HIPK2: variants seen among roughly 807,000 people sequenced by gnomAD.
HIPK2 encodes homeodomain interacting protein kinase 2.
In HIPK2, 27 loss-of-function variants were observed where a neutral mutation model predicts 113.7. The ratio of observed to expected loss-of-function variants is 0.24; its 90% CI spans 0.17 to 0.33. The LOEUF (loss-of-function observed/expected upper bound fraction) is 0.33, where lower values mean the gene tolerates loss of function less well. HIPK2 is among the 10% of genes least tolerant of loss of function. HIPK2 has a pLI of 1.00. For missense variants in HIPK2, 1,257 were observed against 1,588.0 expected (o/e 0.79, Z 3.54); for synonymous variants, 631 against 642.2 (o/e 0.98, Z 0.26).
chr7:139,618,594 G>C (rs1800135191), intron 7 of HIPK2, among the ~76,000 whole-genome samples: 1 of 152,186 alleles, frequency 6.6e-6, no homozygotes, highest in African/African-American at 2.4e-5. Flanking sequence ...TAGTTTTGCA[G>C]AGTCTTTGCG....
intron 2 of HIPK2, among the ~76,000 whole-genome samples, chr7:139,652,996 G>A (rs770295930): frequency 4.6e-5 from 7 of 151,922 alleles, no homozygotes; most frequent in Non-Finnish European, 8.8e-5. Context: ...AAAATTAGAT[G>A]GGTGTGGTGG....
intron 9 of HIPK2, among the ~76,000 whole-genome samples, chr7:139,604,930 A>C (rs771080263): frequency 1.3e-5 from 2 of 152,284 alleles, no homozygotes; most frequent in African/African-American, 2.4e-5. Flanking sequence ...GGCCCTCAAG[A>C]AGCTTTCTGC....
chr7:139,596,714 C>T lies in HIPK2; in HGVS notation c.2717+3G>A, dbSNP rs771137499. The T allele has an allele frequency of 3.1e-6, 5 of 1,608,436 alleles. No homozygotes were observed. The highest frequency in any genetic ancestry group is 1.3e-5 in the African/African-American group (1 of 74,856). On this transcript the variant is annotated splice_donor_region_variant and intron_variant, in intron 12 of 14. Coordinates refer to ENST00000406875, the MANE Select transcript of HIPK2 (RefSeq NM_022740.5). ...CTGGAAGGCTAAGGTGGCACTGCCT[C>T]ACCTGGTGGGGGCGTGTTTCTGTTC...
In HIPK2 at chr7:139,563,599, A is replaced by C. The variant is rs186517885; in HGVS notation, c.*9328T>G. 3.2e-4 allele frequency: 125 copies of C among 385,832 alleles called. No individual in the cohort carries two copies. Among genetic ancestry groups the C allele is most frequent in the Non-Finnish European group, 3.6e-4 (78 of 218,868 alleles). 23.9% of individuals were successfully genotyped at this position (385,832 alleles called of 1,614,324 possible). On this transcript the variant is annotated 3_prime_UTR_variant, in exon 15 of 15. Coordinates refer to ENST00000406875, the MANE Select transcript of HIPK2 (RefSeq NM_022740.5). ...AAAAATATAAGCCCCAAAAACAATG[A>C]CACAAAATTCATTTGGTTAATTCAT...
At chr7:139,628,569 G>A (rs1459287239) in intron 5 of HIPK2, among the ~76,000 whole-genome samples, 1 of 152,134 alleles carries the variant, frequency 6.6e-6, no homozygotes, top group Non-Finnish European at 1.5e-5. Context: ...GAGTAGCTGA[G>A]ATTACAGGTG....
intron 1 of HIPK2, among the ~76,000 whole-genome samples, chr7:139,754,746 T>C (rs1056946392): frequency 4.6e-5 from 7 of 152,284 alleles, no homozygotes; most frequent in African/African-American, 1.7e-4. Flanking sequence ...ACTTCCTCTG[T>C]CACACAGCAG....
intron 12 of HIPK2, among the ~76,000 whole-genome samples, chr7:139,591,684 G>A (rs1799030257): frequency 6.6e-6 from 1 of 152,210 alleles, no homozygotes; most frequent in African/African-American, 2.4e-5. Flanking sequence ...AAGTCAGCTG[G>A]ACAAAAGATC....
At position 139,572,753 on chromosome 7, in the gene HIPK2, C is replaced by T. The variant is rs1446907723; in HGVS notation, c.*174G>A. ...GTTTCACTGGTGTCCCGACCCGTCC[C>T]CCTGCCCTCTGCCCCCCCCCCCCCC... On this transcript the variant is annotated 3_prime_UTR_variant, in exon 15 of 15. Transcript: ENST00000406875. 11 of 516,876 alleles carry T rather than the reference C, an allele frequency of 2.1e-5. 1 individual carries two copies. In the South Asian group the frequency reaches 3.0e-4, roughly 14 times the overall value. 32.0% of individuals were successfully genotyped at this position (516,876 alleles called of 1,614,324 possible). A position where few individuals can be genotyped will look rare whatever the true frequency, so the allele number is the denominator to read the frequency against.
At position 139,572,894 on chromosome 7, in the gene HIPK2, T is replaced by TGCCAG; in HGVS notation, c.*32_*33insCTGGC. On this transcript the variant is annotated 3_prime_UTR_variant, in exon 15 of 15. Coordinates refer to ENST00000406875, the MANE Select transcript of HIPK2 (RefSeq NM_022740.5). ...CTCCCTCCTCCCTCGGGCCATTCTC[T>TGCCAG]CCCTCCCTCCCTCCCTCCCTCCCCT... The TGCCAG allele has an allele frequency of 1.1e-5, 6 of 554,272 alleles. No individual in the cohort carries two copies. Among genetic ancestry groups the TGCCAG allele is most frequent in the Non-Finnish European group, 2.0e-5 (6 of 302,504 alleles). The allele number at this position is 554,272 out of a possible 1,614,324, so 34.3% of individuals were successfully genotyped here.
At chr7:139,657,444 T>C (rs1049362676) in intron 2 of HIPK2, among the ~76,000 whole-genome samples, 1 of 152,234 alleles carries the variant, frequency 6.6e-6, no homozygotes, top group Non-Finnish European at 1.5e-5. Flanking sequence ...AGGCCTTATC[T>C]ACGCTGAGCT....
At chr7:139,628,896 G>T in intron 5 of HIPK2, 57 bp downstream of exon 5, 1 of 1,432,330 alleles carries the variant, frequency 7.0e-7, no homozygotes, top group Non-Finnish European at 9.6e-7. Context: ...TATTGCAGAA[G>T]TCTTGCTGCC....
chr7:139,632,165 G>A (rs558854435), intron 2 of HIPK2, among the ~76,000 whole-genome samples: 12 of 152,326 alleles, frequency 7.9e-5, no homozygotes, highest in African/African-American at 2.9e-4. Flanking sequence ...CTAGAGATGG[G>A]AACTCACTAT....
chr7:139,665,320 T>A (rs935493272), intron 2 of HIPK2, among the ~76,000 whole-genome samples: 3 of 152,248 alleles, frequency 2.0e-5, no homozygotes, highest in Non-Finnish European at 2.9e-5. Context: ...ATTACAGGTG[T>A]GACCCGCTGT....
intron 2 of HIPK2, among the ~76,000 whole-genome samples, chr7:139,672,972 A>C (rs750380986): frequency 4.6e-5 from 7 of 152,192 alleles, no homozygotes; most frequent in Non-Finnish European, 1.0e-4. Flanking sequence ...TGCGAGCTGG[A>C]ACAAAGCCCA....
At chr7:139,618,869 GT>G (rs1395494236) in intron 7 of HIPK2, among the ~76,000 whole-genome samples, 1 of 152,216 alleles carries the variant, frequency 6.6e-6, no homozygotes, top group Admixed American at 6.5e-5. Flanking sequence ...TTAAGACCAG[GT>G]GCCTCATGAG....
intron 13 of HIPK2, among the ~76,000 whole-genome samples, chr7:139,575,626 A>T (rs1057471859): frequency 1.3e-5 from 2 of 152,220 alleles, no homozygotes; most frequent in Admixed American, 6.5e-5. Context: ...CAGCATCTGG[A>T]AAATGGGTAG....
chr7:139,634,313 C>T (rs1247796132), intron 2 of HIPK2, among the ~76,000 whole-genome samples: 2 of 151,974 alleles, frequency 1.3e-5, no homozygotes, highest in Admixed American at 6.6e-5. Context: ...TCTTCAGCTG[C>T]CAGTGTTCTG....
chr7:139,670,093 A>G (rs772603425), intron 2 of HIPK2, among the ~76,000 whole-genome samples: 2 of 152,248 alleles, frequency 1.3e-5, no homozygotes, highest in Non-Finnish European at 2.9e-5. Context: ...CAAGTGAGAC[A>G]ATACAAGAAA....
At chr7:139,624,759 T>C (rs890660534) in intron 6 of HIPK2, among the ~76,000 whole-genome samples, 1 of 152,204 alleles carries the variant, frequency 6.6e-6, no homozygotes, top group Non-Finnish European at 1.5e-5. Context: ...ATCAGCTTCC[T>C]TGTCAATCTG....
Sources: allele counts gnomAD v4.1 joint callset (sites outside exome capture counted in the v4.1 genomes callset), GRCh38; gene constraint gnomAD v4.1.1; transcripts MANE v1.5; gene names NCBI Gene and HGNC (gene_info 2026-07-23, HGNC 2026-07-21).